BTBD9: variants seen among roughly 807,000 people sequenced by gnomAD.
The protein encoded by BTBD9 is BTB/POZ domain-containing protein 9.
BTBD9 carries 49 observed loss-of-function variants against 64.3 expected under a neutral mutation model. The observed-to-expected ratio is 0.76, with a 90% CI of 0.61 to 0.97. BTBD9 has a LOEUF of 0.97. BTBD9 is among the 50% of genes least tolerant of loss of function. BTBD9 has a pLI of 0.00. For synonymous variants in BTBD9, 260 were observed against 274.7 expected (o/e 0.95, Z 0.53); for missense variants, 598 against 762.1 (o/e 0.78, Z 2.53).
intron 7 of BTBD9, among the ~76,000 whole-genome samples, chr6:38,313,108 G>C (rs1762901196): frequency 6.6e-6 from 1 of 151,920 alleles, no homozygotes; most frequent in African/African-American, 2.4e-5. Flanking sequence ...TTTCATTGTA[G>C]AAATCTTTCA....
At chr6:38,530,776 T>C (rs1048944309) in intron 6 of BTBD9, among the ~76,000 whole-genome samples, 15 of 152,032 alleles carry the variant, frequency 9.9e-5, no homozygotes, top group Admixed American at 3.9e-4. Flanking sequence ...ATAAATTTAA[T>C]GAAGAGACTG....
chr6:38,182,517 T>C (rs1054739204), intron 10 of BTBD9, among the ~76,000 whole-genome samples: 1 of 152,174 alleles, frequency 6.6e-6, no homozygotes, highest in African/African-American at 2.4e-5. Context: ...AGGGCCCCCT[T>C]CCCACACCAG....
intron 3 of BTBD9, among the ~76,000 whole-genome samples, chr6:38,593,316 T>G (rs1187083765): frequency 1.3e-5 from 2 of 152,140 alleles, no homozygotes; most frequent in East Asian, 3.9e-4. Flanking sequence ...ATCATTGTCT[T>G]TAAAAATTAA....
chr6:38,336,405 G>A (rs905362226), intron 7 of BTBD9, among the ~76,000 whole-genome samples: 1 of 152,194 alleles, frequency 6.6e-6, no homozygotes, highest in African/African-American at 2.4e-5. Flanking sequence ...TGGCTGGGAA[G>A]GCCTCGGGAA....
At chr6:38,479,798 G>T (rs1047106695) in intron 6 of BTBD9, among the ~76,000 whole-genome samples, 1 of 152,034 alleles carries the variant, frequency 6.6e-6, no homozygotes, top group Non-Finnish European at 1.5e-5. Flanking sequence ...GCGTGATCTC[G>T]GCTCACTGCA....
chr6:38,542,629 G>A (rs2180104), intron 6 of BTBD9, among the ~76,000 whole-genome samples: 103,625 of 151,976 alleles, frequency 0.68, 36,433 homozygotes, highest in African/African-American at 0.87. Flanking sequence ...ATTAATTGAT[G>A]ATATTTATAA....
chr6:38,495,323 G>T (rs570668926), intron 6 of BTBD9, among the ~76,000 whole-genome samples: 3 of 152,118 alleles, frequency 2.0e-5, no homozygotes, highest in Non-Finnish European at 4.4e-5. Context: ...AAACTCACAC[G>T]GGAGATCTTC....
chr6:38,198,047 A>G (rs1762325392), intron 9 of BTBD9, among the ~76,000 whole-genome samples: 1 of 152,244 alleles, frequency 6.6e-6, no homozygotes, highest in Non-Finnish European at 1.5e-5. Flanking sequence ...GACTTGAAGT[A>G]TATGCAAAAA....
At chr6:38,547,669 C>G (rs560141234) in intron 6 of BTBD9, among the ~76,000 whole-genome samples, 38 of 152,272 alleles carry the variant, frequency 2.5e-4, no homozygotes, top group Non-Finnish European at 4.3e-4. Context: ...TTCCTTCATC[C>G]TGCACCACCT....
At chr6:38,482,469 A>G (rs1202751989) in intron 6 of BTBD9, 3 of 146,724 alleles carry the variant, frequency 2.0e-5, no homozygotes, top group African/African-American at 5.1e-5. Flanking sequence ...GTAACAATGT[A>G]TTCCACTTAA....
intron 6 of BTBD9, among the ~76,000 whole-genome samples, chr6:38,398,499 C>T (rs1338419908): frequency 6.6e-6 from 1 of 152,094 alleles, no homozygotes; most frequent in African/African-American, 2.4e-5. Context: ...GTCATTGAAC[C>T]ATCCAAACTA....
At chr6:38,400,517 T>C (rs1037023637) in intron 6 of BTBD9, among the ~76,000 whole-genome samples, 4 of 152,178 alleles carry the variant, frequency 2.6e-5, no homozygotes, top group Admixed American at 6.5e-5. Flanking sequence ...TTAACCACCC[T>C]TTCTCCCCAA....
intron 8 of BTBD9, 30 bp from the exon 9 acceptor site, chr6:38,256,546 G>T: frequency 6.7e-7 from 1 of 1,495,148 alleles, no homozygotes; most frequent in Non-Finnish European, 9.3e-7. Flanking sequence ...TAAGATTGCT[G>T]TAAATGTTTT....
At chr6:38,277,618 G>A (rs750030279) in intron 8 of BTBD9, among the ~76,000 whole-genome samples, 1 of 152,148 alleles carries the variant, frequency 6.6e-6, no homozygotes, top group Non-Finnish European at 1.5e-5. Context: ...ACAGGCGTGA[G>A]CCACCATGCC....
At chr6:38,303,911 A>G (rs1440958928) in intron 7 of BTBD9, among the ~76,000 whole-genome samples, 1 of 133,836 alleles carries the variant, frequency 7.5e-6, no homozygotes, top group Admixed American at 7.4e-5. Context: ...ACGTGTATAT[A>G]TGTGTATATA....
chr6:38,507,461 T>A (rs927722550), intron 6 of BTBD9, among the ~76,000 whole-genome samples: 1 of 152,216 alleles, frequency 6.6e-6, no homozygotes, highest in Non-Finnish European at 1.5e-5. Context: ...TGCCTATTCA[T>A]GATTATTTTA....
At chr6:38,539,816 CAT>C (rs1299072499) in intron 6 of BTBD9, among the ~76,000 whole-genome samples, 1 of 152,188 alleles carries the variant, frequency 6.6e-6, no homozygotes, top group East Asian at 1.9e-4. Context: ...TTAAAAATAA[CAT>C]ATTTTAAAAC....
In BTBD9 at chr6:38,302,485, G is replaced by GTATATATATATATATATATA. The variant is rs59324806; in HGVS notation, c.1265-14044_1265-14025dup. Among the ~76,000 whole-genome samples, 204 of 106,804 alleles carry GTATATATATATATATATATA rather than the reference G, an allele frequency of 1.9e-3. 7 individuals carry two copies. The highest frequency in any genetic ancestry group is 2.6e-3 in the Non-Finnish European group (137 of 53,266). 70.1% of individuals were successfully genotyped at this position (106,804 alleles called of 152,430 possible). A position where few individuals can be genotyped will look rare whatever the true frequency, so the allele number is the denominator to read the frequency against. On this transcript the variant is annotated intron_variant, in intron 7 of 10. Transcript: ENST00000481247. ...CTGAATAATATTCCATTGTGTGTAT[G>GTATATATATATATATATATA]TATATATATATATATATATATATAT...
intron 6 of BTBD9, among the ~76,000 whole-genome samples, chr6:38,424,181 C>A (rs750025743): frequency 1.3e-5 from 2 of 151,962 alleles, no homozygotes; most frequent in African/African-American, 2.4e-5. Flanking sequence ...TCCAAGGCAT[C>A]TGCACTGTAG....
Sources: gnomAD v4.1 joint callset for allele counts (sites outside exome capture counted in the v4.1 genomes callset) on GRCh38, gnomAD v4.1.1 for gene constraint, MANE v1.5 for transcripts, NCBI Gene and HGNC (gene_info 2026-07-23, HGNC 2026-07-21) for gene names.